SEMA3E: variants seen among roughly 807,000 people sequenced by gnomAD.
The protein encoded by SEMA3E is semaphorin-3E.
A neutral mutation model predicts 93.6 loss-of-function variants in SEMA3E; 49 were observed. The observed-to-expected ratio is 0.52, with a 90% CI of 0.42 to 0.66. The LOEUF (loss-of-function observed/expected upper bound fraction) is 0.66. Among genes scored for constraint, SEMA3E ranks in the 30% least tolerant of loss-of-function variants. SEMA3E has a pLI of 0.00. For missense variants in SEMA3E, 906 were observed against 964.8 expected (o/e 0.94, Z 0.81); for synonymous variants, 363 against 330.7 (o/e 1.10, Z -1.06).
chr7:83,555,270 C>G (rs998811929), intron 1 of SEMA3E, among the ~76,000 whole-genome samples: 5 of 152,182 alleles, frequency 3.3e-5, no homozygotes, highest in South Asian at 2.1e-4. Flanking sequence ...GTGTCCCAGA[C>G]GTCACCAGTA....
At chr7:83,628,011 G>T (rs1793706384) in intron 1 of SEMA3E, among the ~76,000 whole-genome samples, 1 of 152,092 alleles carries the variant, frequency 6.6e-6, no homozygotes, top group South Asian at 2.1e-4. Context: ...AGGCAGGCCT[G>T]GTAGTGACAA....
chr7:83,372,816 A>G (rs963632921), intron 16 of SEMA3E: 1 of 152,184 alleles, frequency 6.6e-6, no homozygotes, highest in African/African-American at 2.4e-5. Flanking sequence ...ATCACCTAGA[A>G]AGTTAGAGGT....
At chr7:83,404,545 C>G (rs1486925082) in intron 9 of SEMA3E, among the ~76,000 whole-genome samples, 1 of 151,858 alleles carries the variant, frequency 6.6e-6, no homozygotes, top group East Asian at 1.9e-4. Context: ...AGGAAATTGT[C>G]TATATAACCT....
intron 1 of SEMA3E, among the ~76,000 whole-genome samples, chr7:83,582,447 C>A (rs1462874475): frequency 6.6e-6 from 1 of 151,982 alleles, no homozygotes; most frequent in African/African-American, 2.4e-5. Context: ...CTCCTCAAGA[C>A]AATAAGATGG....
intron 1 of SEMA3E, among the ~76,000 whole-genome samples, chr7:83,506,032 A>AAAATAT (rs1554333681): frequency 8.4e-6 from 1 of 119,732 alleles, no homozygotes; most frequent in Non-Finnish European, 1.6e-5. Flanking sequence ...AAAAAAAAAA[A>AAAATAT]ATATATATAT....
intron 4 of SEMA3E, among the ~76,000 whole-genome samples, chr7:83,463,813 C>G (rs556549605): frequency 6.6e-6 from 1 of 152,218 alleles, no homozygotes; most frequent in East Asian, 1.9e-4. Context: ...CACTACTCCT[C>G]AGGGATTATT....
intron 5 of SEMA3E, among the ~76,000 whole-genome samples, chr7:83,410,682 T>C (rs1562769798): frequency 6.6e-6 from 1 of 152,108 alleles, no homozygotes; most frequent in Non-Finnish European, 1.5e-5. Flanking sequence ...GAATTCAGTC[T>C]GCATTATTTG....
intron 1 of SEMA3E, among the ~76,000 whole-genome samples, chr7:83,584,071 T>A (rs1258778078): frequency 6.6e-6 from 1 of 152,204 alleles, no homozygotes; most frequent in African/African-American, 2.4e-5. Context: ...GTTGAGGTAG[T>A]GTTTTATTAT....
chr7:83,502,378 T>G (rs1790612086), intron 1 of SEMA3E, among the ~76,000 whole-genome samples: 1 of 152,168 alleles, frequency 6.6e-6, no homozygotes, highest in Non-Finnish European at 1.5e-5. Context: ...GCTCAAAGTC[T>G]GTCATTACCT....
At chr7:83,560,625 G>C (rs1233719097) in intron 1 of SEMA3E, among the ~76,000 whole-genome samples, 1 of 151,932 alleles carries the variant, frequency 6.6e-6, no homozygotes, top group Non-Finnish European at 1.5e-5. Flanking sequence ...CCTTTGAACT[G>C]ATTATATCAT....
At chr7:83,533,270 A>T (rs1791342044) in intron 1 of SEMA3E, among the ~76,000 whole-genome samples, 1 of 152,108 alleles carries the variant, frequency 6.6e-6, no homozygotes, top group South Asian at 2.1e-4. Context: ...GGCCAGGTGC[A>T]GTGGCTCATG....
At chr7:83,492,716 A>G (rs138554674) in intron 1 of SEMA3E, among the ~76,000 whole-genome samples, 396 of 139,352 alleles carry the variant, frequency 2.8e-3, no homozygotes, top group African/African-American at 9.3e-3. Context: ...ATGTTTATTT[A>G]TATATATATG....
At chr7:83,410,776 T>A (rs3109788) in intron 5 of SEMA3E, among the ~76,000 whole-genome samples, 76,851 of 151,774 alleles carry the variant, frequency 0.51, 22,315 homozygotes, top group East Asian at 0.85. Context: ...CTTAAAAAAA[T>A]TGACTATTAA....
In SEMA3E at chr7:83,475,717, T is replaced by A. The variant is rs142594305; in HGVS notation, c.277-6415A>T. 2.8e-3 allele frequency among the ~76,000 whole-genome samples: 429 copies of A among 152,334 alleles called. 4 individuals carry two copies. The highest frequency in any genetic ancestry group is 9.4e-3 in the African/African-American group (391 of 41,592). On this transcript the variant is annotated intron_variant, in intron 2 of 16. Transcript: ENST00000643230. ...CTAATGTTTTCTGACAGCATCTATGTAACTGTGACAGGCTAACCTGTCTTG... is the reference window on the plus strand; with the variant it reads ...CTAATGTTTTCTGACAGCATCTATGAAACTGTGACAGGCTAACCTGTCTTG...
intron 1 of SEMA3E, among the ~76,000 whole-genome samples, chr7:83,639,124 AAAAAAAAAAAAAAAAAC>A (rs1364986973): frequency 2.7e-4 from 37 of 138,108 alleles, no homozygotes; most frequent in Admixed American, 1.5e-3. Context: ...AAAAAAAAAA[AAAAAAAAAAAAAAAAAC>A]AGAGATTCCT....
chr7:83,420,485 C>G (rs1333508467), intron 4 of SEMA3E, among the ~76,000 whole-genome samples: 1 of 151,906 alleles, frequency 6.6e-6, no homozygotes, highest in African/African-American at 2.4e-5. Flanking sequence ...CAAAAAAGAG[C>G]CTGAATAGCC....
At chr7:83,568,492 T>C (rs1469066214) in intron 1 of SEMA3E, among the ~76,000 whole-genome samples, 5 of 151,896 alleles carry the variant, frequency 3.3e-5, no homozygotes, top group Non-Finnish European at 1.5e-5. Context: ...ACTAGAAAAA[T>C]GAATCCAGCA....
chr7:83,412,772 A>G (rs1300893421), intron 5 of SEMA3E, among the ~76,000 whole-genome samples: 1 of 151,940 alleles, frequency 6.6e-6, no homozygotes, highest in Non-Finnish European at 1.5e-5. Context: ...AAAAAAAAAA[A>G]AAAAAACACA....
chr7:83,648,334 C>CATA (rs1205385629), intron 1 of SEMA3E, 94 bp downstream of exon 1: 12 of 876,244 alleles, frequency 1.4e-5, no homozygotes, highest in Non-Finnish European at 2.2e-5. Flanking sequence ...CTTTGAAGAC[C>CATA]ATAAGCCTAT....
Sources: allele counts gnomAD v4.1 joint callset (sites outside exome capture counted in the v4.1 genomes callset), GRCh38; gene constraint gnomAD v4.1.1; transcripts MANE v1.5; gene names NCBI Gene and HGNC (gene_info 2026-07-23, HGNC 2026-07-21).